EIF2AK4: variants seen among roughly 807,000 people sequenced by gnomAD.
EIF2AK4 encodes the protein eukaryotic translation initiation factor 2 alpha kinase 4.
A neutral mutation model predicts 211.1 loss-of-function variants in EIF2AK4; 139 were observed. The observed-to-expected ratio is 0.66, with a 90% CI of 0.57 to 0.76. The LOEUF (loss-of-function observed/expected upper bound fraction) is 0.76. Among genes scored for constraint, EIF2AK4 ranks in the 30% least tolerant of loss-of-function variants. The pLI, the probability that EIF2AK4 is intolerant of heterozygous loss-of-function variation, is 0.00. For missense variants in EIF2AK4, 1,664 were observed against 2,043.8 expected (o/e 0.81, Z 3.58); for synonymous variants, 710 against 751.3 (o/e 0.94, Z 0.90).
At chr15:39,982,945 T>C (rs1040617534) in intron 13 of EIF2AK4, among the ~76,000 whole-genome samples, 1 of 152,358 alleles carries the variant, frequency 6.6e-6, no homozygotes, top group East Asian at 1.9e-4. Flanking sequence ...CAGTCTATCA[T>C]TGATGGACAT....
intron 2 of EIF2AK4, among the ~76,000 whole-genome samples, chr15:39,942,753 A>G (rs557455984): frequency 1.3e-5 from 2 of 152,328 alleles, no homozygotes; most frequent in South Asian, 4.1e-4. Flanking sequence ...TTTATACACA[A>G]GAAGTGAGCA....
In EIF2AK4 at chr15:39,934,221, G is replaced by T. The variant is rs773331885; in HGVS notation, c.26G>T (p.Gly9Val). The T allele has an allele frequency of 6.3e-7, 1 of 1,591,258 alleles. No individual in the cohort carries two copies. The change falls in exon 1 of 39, where the codon GGG becomes GTG. Residue 9 changes from glycine to valine, a missense_variant. Transcript: ENST00000263791. MAGGRGAP[G>V]RGRDEPPESY... Reference sequence around the variant, plus strand: ...ATGGCTGGGGGCCGTGGGGCCCCCGGGCGCGGCCGGGACGAGCCTCCGGAG... The same window carrying T: ...ATGGCTGGGGGCCGTGGGGCCCCCGTGCGCGGCCGGGACGAGCCTCCGGAG...
At chr15:39,981,929 T>C (rs2034794726) in intron 13 of EIF2AK4, among the ~76,000 whole-genome samples, 1 of 148,070 alleles carries the variant, frequency 6.8e-6, no homozygotes, top group Non-Finnish European at 1.5e-5. Context: ...GGTCACTTTT[T>C]TTTTTTTTTT....
At chr15:39,965,970 C>T in intron 8 of EIF2AK4, 127 bp downstream of exon 8, 1 of 1,286,682 alleles carries the variant, frequency 7.8e-7, no homozygotes, top group Non-Finnish European at 1.0e-6. Flanking sequence ...AACTGTTTGA[C>T]CAGGGAGGAC....
At chr15:39,984,537 G>A (rs1430926863) in intron 13 of EIF2AK4, among the ~76,000 whole-genome samples, 1 of 152,090 alleles carries the variant, frequency 6.6e-6, no homozygotes, top group Non-Finnish European at 1.5e-5. Context: ...TTGAGCAGTG[G>A]TTTGTAGTTC....
intron 12 of EIF2AK4, chr15:39,977,051 T>A (rs2034708789): frequency 2.0e-6 from 1 of 507,678 alleles, no homozygotes; most frequent in Non-Finnish European, 3.2e-6. Context: ...GGCCAGCGAA[T>A]GCCCCCCAAC....
intron 34 of EIF2AK4, among the ~76,000 whole-genome samples, chr15:40,029,853 T>C (rs2035515660): frequency 6.6e-6 from 1 of 152,204 alleles, no homozygotes; most frequent in Non-Finnish European, 1.5e-5. Flanking sequence ...GAGGGCACAG[T>C]GGTGATAGTT....
intron 24 of EIF2AK4, 31 bp downstream of exon 24, chr15:40,007,096 G>C: frequency 6.6e-7 from 1 of 1,525,758 alleles, no homozygotes. Flanking sequence ...CCATTTGGTA[G>C]ACATAGGAAA....
In EIF2AK4 at chr15:39,934,325, G is replaced by C. The variant is rs1355293664; in HGVS notation, c.130G>C (p.Asp44His). The C allele has an allele frequency of 6.2e-7, 1 of 1,609,544 alleles. No homozygotes were observed. Among genetic ancestry groups the C allele is most frequent in the Non-Finnish European group, 8.5e-7 (1 of 1,178,150 alleles). The change falls in exon 1 of 39, where the codon GAC (aspartate) becomes CAC (histidine). Residue 44 changes from aspartate (D) to histidine (H), a missense_variant. This residue lies in a region of EIF2AK4 where 641 missense variants were observed against 729.6 expected (regional missense o/e 0.88). Transcript: ENST00000263791. ...CGCGGACTTCCAAGACCTGCGGCCG[G>C]ACGCTTGCGGACCGGTAGGAACGTG... ...YGADFQDLRPDACGPVKEPPE... is the reference protein window; with the variant it reads ...YGADFQDLRPHACGPVKEPPE...
At chr15:39,991,940 C>G in intron 16 of EIF2AK4, 1 of 385,876 alleles carries the variant, frequency 2.6e-6, no homozygotes, top group Non-Finnish European at 4.6e-6. Context: ...ATATTTCTGT[C>G]CTAAAGAAAG....
chr15:39,990,193 G>A (rs1459679049), intron 15 of EIF2AK4, 80 bp from the exon 16 acceptor site: 9 of 1,374,806 alleles, frequency 6.5e-6, no homozygotes, highest in Admixed American at 1.8e-5. Flanking sequence ...TTCATCGCTA[G>A]GTTGGCCTTT....
At chr15:40,007,968 C>T in intron 24 of EIF2AK4, 59 bp from the exon 25 acceptor site, 3 of 1,276,300 alleles carry the variant, frequency 2.4e-6, no homozygotes, top group Non-Finnish European at 2.1e-6. Flanking sequence ...TCAACAATTT[C>T]TTATACATAT....
chr15:40,014,400 A>C (rs1272710948), intron 27 of EIF2AK4, among the ~76,000 whole-genome samples: 2 of 152,358 alleles, frequency 1.3e-5, no homozygotes, highest in East Asian at 3.9e-4. Context: ...GAGGTTCCCA[A>C]ACCTCAATTC....
chr15:40,025,919 A>G, intron 32 of EIF2AK4, 58 bp from the exon 33 acceptor site: 1 of 1,518,768 alleles, frequency 6.6e-7, no homozygotes, highest in Non-Finnish European at 9.1e-7. Context: ...TGGTGCTCTG[A>G]GCTAGTCTTC....
chr15:40,021,315 C>T (rs2035384309), intron 31 of EIF2AK4, among the ~76,000 whole-genome samples: 1 of 152,184 alleles, frequency 6.6e-6, no homozygotes, highest in Non-Finnish European at 1.5e-5. Context: ...CTGTGTCCTT[C>T]CCTTTTCTGG....
At position 39,939,516 on chromosome 15, in the gene EIF2AK4, C is replaced by T; in HGVS notation, c.156C>T (p.Pro52=). ...TTTTCCTCTTTTAGGTCAAAGAGCC[C>T]CCTGAAATCAATTTAGTTTTGTACC... ...RPDACGPVKE[P]PEINLVLYPQ... Residue 52 remains proline, a synonymous_variant, in exon 2 of 39, where the codon CCC becomes CCT. Coordinates refer to ENST00000263791, the MANE Select transcript of EIF2AK4 (RefSeq NM_001013703.4). 1 of 1,598,796 alleles carries T rather than the reference C, an allele frequency of 6.3e-7. No individual in the cohort carries two copies. The highest frequency in any genetic ancestry group is 1.7e-4 in the Middle Eastern group (1 of 6,000).
rs1376222537 is a variant in EIF2AK4, at chr15:39,985,849, A to C, written c.2364A>C (p.Pro788=). The C allele has an allele frequency of 1.2e-6, 2 of 1,614,072 alleles. No homozygotes were observed. Among genetic ancestry groups the C allele is most frequent in the Admixed American group, 3.3e-5 (2 of 60,002 alleles). The part of the protein sequence containing the change: ...NEKNGCHESE[P]SVTTEAVHYL... ...AGAATGGCTGCCATGAAAGTGAGCCATCAGTGACGACTGAGGCTGTGCACT... is the reference window on the plus strand; with the variant it reads ...AGAATGGCTGCCATGAAAGTGAGCCCTCAGTGACGACTGAGGCTGTGCACT... Residue 788 remains proline, a synonymous_variant, in exon 14 of 39, where the codon CCA becomes CCC. Coordinates refer to ENST00000263791, the MANE Select transcript of EIF2AK4 (RefSeq NM_001013703.4).
chr15:40,017,290 T>C (rs1249123475), intron 29 of EIF2AK4, 48 bp downstream of exon 29: 30 of 1,538,038 alleles, frequency 2.0e-5, no homozygotes, highest in Non-Finnish European at 2.7e-5. Context: ...TTTTATTTCT[T>C]CTAAACTTGT....
chr15:39,963,300 T>G (rs976730959), intron 7 of EIF2AK4, among the ~76,000 whole-genome samples: 5 of 152,198 alleles, frequency 3.3e-5, no homozygotes, highest in Non-Finnish European at 5.9e-5. Flanking sequence ...TAAAACTACT[T>G]CTAATAACCT....
Sources: gnomAD v4.1 joint callset for allele counts (sites outside exome capture counted in the v4.1 genomes callset) on GRCh38, gnomAD v4.1.1 for gene constraint, gnomAD v4.1.1 regional missense constraint, MANE v1.5 for transcripts, NCBI Gene and HGNC (gene_info 2026-07-23, HGNC 2026-07-21) for gene names.